The following NAALADL2 variants were observed in gnomAD, a reference collection of about 807,000 sequenced individuals.
NAALADL2 encodes N-acetylated alpha-linked acidic dipeptidase like 2.
Under a neutral mutation model 87.2 loss-of-function variants are expected in NAALADL2, and 76 were observed. The observed-to-expected ratio is 0.87, with a 90% CI of 0.72 to 1.05. NAALADL2 has a LOEUF of 1.05. Among genes scored for constraint, NAALADL2 ranks in the 50% least tolerant of loss-of-function variants. The pLI is 0.00. For missense variants in NAALADL2, 1,089 were observed against 945.8 expected (o/e 1.15, Z -1.99); for synonymous variants, 354 against 331.0 (o/e 1.07, Z -0.75).
intron 1 of NAALADL2, among the ~76,000 whole-genome samples, chr3:174,861,356 A>G (rs1457046644): frequency 6.6e-6 from 1 of 152,054 alleles, no homozygotes; most frequent in Non-Finnish European, 1.5e-5. Context: ...AGGCAATGGA[A>G]TGCCTTAACA....
rs1159949899 is a variant in NAALADL2, at chr3:175,771,948, A to G, written c.2189+16530A>G. Reference sequence around the variant, plus strand: ...TTATAGAACCATCAGATCTCCTGAGAACTCACTCACTATCATGAGAACAGC... The same window carrying G: ...TTATAGAACCATCAGATCTCCTGAGGACTCACTCACTATCATGAGAACAGC... On this transcript the variant is annotated intron_variant, in intron 13 of 13. Transcript: ENST00000454872. Among the ~76,000 whole-genome samples, 3 of 152,152 alleles carry G rather than the reference A, an allele frequency of 2.0e-5. No individual in the cohort carries two copies. The East Asian group carries it at 5.8e-4, about 29-fold the overall frequency.
intron 1 of NAALADL2, among the ~76,000 whole-genome samples, chr3:175,007,424 G>A (rs1230150563): frequency 6.6e-6 from 1 of 152,130 alleles, no homozygotes; most frequent in Non-Finnish European, 1.5e-5. Context: ...CTTCAGGCAT[G>A]GGAGTAGAGT....
intron 10 of NAALADL2, among the ~76,000 whole-genome samples, chr3:175,577,120 C>A (rs1308268389): frequency 1.3e-5 from 2 of 152,066 alleles, no homozygotes; most frequent in African/African-American, 2.4e-5. Flanking sequence ...TAGTTTTAAG[C>A]CAAGAATTTA....
chr3:174,816,386 A>ATGTGTG (rs10567966), intron 3 of NAALADL2, among the ~76,000 whole-genome samples: 18,686 of 143,146 alleles, frequency 0.13, 1,347 homozygotes, highest in Middle Eastern at 0.17. Context: ...AGATATATAT[A>ATGTGTG]TGTGTGTGTG....
intron 12 of NAALADL2, among the ~76,000 whole-genome samples, chr3:175,750,388 C>A (rs971516429): frequency 2.6e-5 from 4 of 152,086 alleles, no homozygotes; most frequent in Admixed American, 6.6e-5. Context: ...ACTAACATTT[C>A]TCTCTCTCTT....
intron 11 of NAALADL2, among the ~76,000 whole-genome samples, chr3:175,674,251 T>G (rs1006036019): frequency 8.7e-5 from 13 of 148,898 alleles, no homozygotes; most frequent in Admixed American, 4.6e-4. Context: ...GATAGTGTTT[T>G]TTTTTTTTGT....
chr3:175,292,621 C>CACACACACACACACCT (rs759687998), intron 4 of NAALADL2, among the ~76,000 whole-genome samples: 3 of 151,782 alleles, frequency 2.0e-5, no homozygotes, highest in African/African-American at 7.3e-5. Context: ...CACACACACA[C>CACACACACACACACCT]ACCTGAGGGG....
chr3:175,611,026 T>C (rs1425432670), intron 10 of NAALADL2, among the ~76,000 whole-genome samples: 1 of 152,044 alleles, frequency 6.6e-6, no homozygotes, highest in Non-Finnish European at 1.5e-5. Context: ...AGAGCTAAAG[T>C]GCATAATTAA....
chr3:174,462,150 A>G (rs2108293711), intron 1 of NAALADL2, among the ~76,000 whole-genome samples: 1 of 152,154 alleles, frequency 6.6e-6, no homozygotes, highest in East Asian at 1.9e-4. Context: ...GTTTGCTTAT[A>G]TGAGAATTCT....
At chr3:175,696,150 C>CA (rs936772150) in intron 11 of NAALADL2, among the ~76,000 whole-genome samples, 1 of 151,640 alleles carries the variant, frequency 6.6e-6, no homozygotes, top group African/African-American at 2.4e-5. Context: ...CTTGTGTTCA[C>CA]AAAAAAAATT....
intron 4 of NAALADL2, among the ~76,000 whole-genome samples, chr3:175,260,298 C>T (rs562940817): frequency 2.0e-5 from 3 of 152,114 alleles, no homozygotes; most frequent in Non-Finnish European, 1.5e-5. Context: ...CCCCTTGAGA[C>T]AGAGCCTTGC....
chr3:174,762,834 C>A (rs1713212897), intron 3 of NAALADL2, among the ~76,000 whole-genome samples: 1 of 152,058 alleles, frequency 6.6e-6, no homozygotes. Flanking sequence ...AAAAAAAAAT[C>A]TTAATTACAT....
At chr3:174,464,437 C>T (rs1250613600) in intron 1 of NAALADL2, among the ~76,000 whole-genome samples, 9 of 144,424 alleles carry the variant, frequency 6.2e-5, no homozygotes, top group African/African-American at 1.3e-4. Flanking sequence ...TCTGGGGGGT[C>T]GGGGGATGGG....
chr3:175,780,630 C>T (rs568258333), intron 13 of NAALADL2, among the ~76,000 whole-genome samples: 9 of 152,070 alleles, frequency 5.9e-5, no homozygotes, highest in East Asian at 1.9e-4. Flanking sequence ...CACAGCTGTT[C>T]AATAGTAGCA....
intron 2 of NAALADL2, among the ~76,000 whole-genome samples, chr3:175,125,728 T>C (rs1324229326): frequency 1.3e-5 from 2 of 152,106 alleles, no homozygotes; most frequent in African/African-American, 2.4e-5. Context: ...TCGAGAAGCC[T>C]ACTAGACATC....
At chr3:174,867,553 C>T (rs973463493) in intron 1 of NAALADL2, among the ~76,000 whole-genome samples, 2 of 151,886 alleles carry the variant, frequency 1.3e-5, no homozygotes, top group Admixed American at 6.6e-5. Context: ...ATTTCTAGTG[C>T]GTAGATCCAT....
At chr3:175,555,972 C>T (rs556166574) in intron 9 of NAALADL2, among the ~76,000 whole-genome samples, 1 of 152,194 alleles carries the variant, frequency 6.6e-6, no homozygotes, top group African/African-American at 2.4e-5. Flanking sequence ...TTTAAACTTC[C>T]TTTAACTTTT....
intron 1 of NAALADL2, among the ~76,000 whole-genome samples, chr3:174,862,133 C>T (rs1180022170): frequency 2.0e-5 from 3 of 151,846 alleles, no homozygotes; most frequent in African/African-American, 4.8e-5. Flanking sequence ...TTTTTCTAAA[C>T]GTTGCAAATA....
intron 11 of NAALADL2, 77 bp downstream of exon 11, chr3:175,627,463 AC>A: frequency 1.1e-6 from 1 of 897,608 alleles, no homozygotes; most frequent in South Asian, 1.6e-5. Flanking sequence ...AAGGAACATA[AC>A]CAATCAAGAG....
Sources: allele counts gnomAD v4.1 joint callset (sites outside exome capture counted in the v4.1 genomes callset), GRCh38; gene constraint gnomAD v4.1.1; transcripts MANE v1.5; gene names NCBI Gene and HGNC (gene_info 2026-07-23, HGNC 2026-07-21).